The following NRG1 variants were observed in gnomAD, a reference collection of about 807,000 sequenced individuals.
NRG1 encodes neuregulin 1.
Under a neutral mutation model 63.8 loss-of-function variants are expected in NRG1, and 18 were observed. The observed-to-expected ratio is 0.28, with a 90% CI of 0.19 to 0.42. The LOEUF is 0.42. Ranked by LOEUF, NRG1 falls within the 10% of genes least tolerant of loss-of-function variation. The probability of loss-of-function intolerance (pLI) is 1.00; values close to 1 mark genes in which losing one functional copy is unlikely to be tolerated. For synonymous variants in NRG1, 302 were observed against 301.3 expected (o/e 1.00, Z -0.02); for missense variants, 762 against 814.7 (o/e 0.94, Z 0.79).
intron 1 of NRG1, among the ~76,000 whole-genome samples, chr8:32,011,446 T>A (rs1814748572): frequency 6.6e-6 from 1 of 152,128 alleles, no homozygotes; most frequent in South Asian, 2.1e-4. Context: ...AGGTTAGGCA[T>A]TCATCAAAAT....
At chr8:32,362,536 T>C (rs1319942051) in intron 1 of NRG1, among the ~76,000 whole-genome samples, 1 of 152,176 alleles carries the variant, frequency 6.6e-6, no homozygotes, top group African/African-American at 2.4e-5. Context: ...CCTAATGTTC[T>C]TTTTTGGTTA....
At chr8:32,330,915 T>G (rs189790862) in intron 1 of NRG1, among the ~76,000 whole-genome samples, 1 of 152,050 alleles carries the variant, frequency 6.6e-6, no homozygotes, top group African/African-American at 2.4e-5. Context: ...TCTGATTATA[T>G]TGTTTCTCTC....
intron 1 of NRG1, among the ~76,000 whole-genome samples, chr8:31,765,955 A>T (rs1214593448): frequency 1.3e-5 from 2 of 152,210 alleles, no homozygotes; most frequent in Non-Finnish European, 2.9e-5. Context: ...ATAGATAGTA[A>T]TTAATGTGAG....
chr8:32,046,535 A>G (rs1821028985), intron 1 of NRG1, among the ~76,000 whole-genome samples: 1 of 152,110 alleles, frequency 6.6e-6, no homozygotes, highest in South Asian at 2.1e-4. Flanking sequence ...TCAAAAATTG[A>G]CAATCATCAA....
chr8:32,604,740 A>C (rs2439284), intron 2 of NRG1, among the ~76,000 whole-genome samples: 26,699 of 151,972 alleles, frequency 0.18, 3,365 homozygotes, highest in African/African-American at 0.36. Flanking sequence ...GCTTTAGAAT[A>C]ATTCTTTAGA....
At chr8:32,400,343 TGTG>T (rs1813013207) in intron 1 of NRG1, among the ~76,000 whole-genome samples, 2 of 152,230 alleles carry the variant, frequency 1.3e-5, no homozygotes, top group East Asian at 3.9e-4. Context: ...ATTAGCCAGG[TGTG>T]GTGGTGCAAC....
At chr8:31,765,275 A>G (rs933266149) in intron 1 of NRG1, among the ~76,000 whole-genome samples, 8 of 152,108 alleles carry the variant, frequency 5.3e-5, no homozygotes, top group African/African-American at 1.9e-4. Context: ...GTCATCTGGA[A>G]GTAGGGACTG....
chr8:32,439,689 T>C (rs1563466618), intron 1 of NRG1, among the ~76,000 whole-genome samples: 1 of 152,088 alleles, frequency 6.6e-6, no homozygotes, highest in East Asian at 1.9e-4. Flanking sequence ...ATTAAAATTA[T>C]GTCTTGAGTT....
chr8:32,206,991 AT>A lies in NRG1; in HGVS notation c.38-388836del, dbSNP rs751673371. Reference sequence around the variant, plus strand: ...AAATGACTGAATCCAGAACTTCACCATAATCCATCTATCTCCTCCGTGAGTC... The same window carrying A: ...AAATGACTGAATCCAGAACTTCACCAAATCCATCTATCTCCTCCGTGAGTC... On this transcript the variant is annotated intron_variant, in intron 1 of 10. Transcript: ENST00000519301. 8.9e-4 allele frequency among the ~76,000 whole-genome samples: 136 copies of A among 152,344 alleles called. 1 individual carries two copies. Among genetic ancestry groups the A allele is most frequent in the Non-Finnish European group, 3.7e-4 (25 of 68,040 alleles).
At chr8:32,141,751 T>C (rs1047433905) in intron 1 of NRG1, among the ~76,000 whole-genome samples, 10 of 151,602 alleles carry the variant, frequency 6.6e-5, no homozygotes, top group Non-Finnish European at 8.8e-5. Context: ...ACACATTCGT[T>C]CCACAGAGAC....
chr8:32,196,364 G>A (rs1359323085), intron 1 of NRG1, among the ~76,000 whole-genome samples: 1 of 152,148 alleles, frequency 6.6e-6, no homozygotes, highest in Non-Finnish European at 1.5e-5. Flanking sequence ...GGAAGCATGA[G>A]GGCTGAGAGC....
intron 1 of NRG1, among the ~76,000 whole-genome samples, chr8:32,280,698 T>TTG (rs1400809291): frequency 1.5e-5 from 2 of 133,144 alleles, no homozygotes; most frequent in Non-Finnish European, 3.3e-5. Flanking sequence ...TTTGTTTTTT[T>TTG]TTTTTTTTTT....
At chr8:32,061,333 C>T (rs1823820005) in intron 1 of NRG1, among the ~76,000 whole-genome samples, 1 of 151,934 alleles carries the variant, frequency 6.6e-6, no homozygotes. Flanking sequence ...ATTGTCTTAT[C>T]CCTGAGTGTG....
intron 1 of NRG1, among the ~76,000 whole-genome samples, chr8:31,821,053 C>G (rs945927541): frequency 6.6e-6 from 1 of 152,118 alleles, no homozygotes. Context: ...TACTTTATAT[C>G]ATCTCTATAT....
intron 1 of NRG1, among the ~76,000 whole-genome samples, chr8:32,348,107 T>C (rs1224355553): frequency 2.0e-5 from 3 of 152,198 alleles, no homozygotes; most frequent in Non-Finnish European, 4.4e-5. Context: ...TACCAATTAC[T>C]CTAGGGGTTT....
intron 1 of NRG1, among the ~76,000 whole-genome samples, chr8:31,955,015 G>A (rs1202060669): frequency 6.6e-6 from 1 of 152,188 alleles, no homozygotes; most frequent in African/African-American, 2.4e-5. Flanking sequence ...TGGAGGGGAT[G>A]AGAGAAGGGA....
rs143953005 is a variant in NRG1, at chr8:32,728,296, G to A, written c.632+218G>A. On this transcript the variant is annotated intron_variant, in intron 6 of 11. Transcript: ENST00000356819. ...TTGCTCTTTTCAATGTGTGTGAGGT[G>A]TTTTTTGTTTTTGTTTTTGTTTTTT... is the stretch of plus-strand genomic sequence containing the variant. 3.4e-4 allele frequency: 331 copies of A among 983,622 alleles called. No individual in the cohort carries two copies. The African/African-American group carries it at 5.4e-3, about 16-fold the overall frequency. The allele number at this position is 983,622 out of a possible 1,614,324, so 60.9% of individuals were successfully genotyped here.
rs569560533 is a variant in NRG1, at chr8:31,669,143, C to T, written c.37+29712C>T. 3.3e-5 allele frequency among the ~76,000 whole-genome samples: 5 copies of T among 152,158 alleles called. No homozygotes were observed. In the South Asian group the frequency reaches 1.0e-3, roughly 32 times the overall value. ...CGGTCATGGCTCACTGCAGACTTGA[C>T]CTTCTGGGCACAAGCGATCCTCCCA... On this transcript the variant is annotated intron_variant, in intron 1 of 10. Coordinates refer to the NRG1 transcript ENST00000519301.
intron 1 of NRG1, among the ~76,000 whole-genome samples, chr8:32,087,482 C>CTTTTTTTTTTTTTTTTTTTTTTTT (rs67438409): frequency 1.1e-5 from 1 of 90,278 alleles, no homozygotes; most frequent in Non-Finnish European, 2.1e-5. Context: ...TCTTTTCTTT[C>CTTTTTTTTTTTTTTTTTTTTTTTT]TTTTTTTTTT....
Sources: gnomAD v4.1 joint callset for allele counts (sites outside exome capture counted in the v4.1 genomes callset) on GRCh38, gnomAD v4.1.1 for gene constraint, MANE v1.5 for transcripts, NCBI Gene and HGNC (gene_info 2026-07-23, HGNC 2026-07-21) for gene names.